SLC25A31: variants seen among roughly 807,000 people sequenced by gnomAD.
The protein encoded by SLC25A31 is solute carrier family 25 member 31.
SLC25A31 carries 40 observed loss-of-function variants against 36.2 expected under a neutral mutation model. The observed-to-expected ratio is 1.10, with a 90% CI of 0.86 to 1.44. SLC25A31 has a LOEUF of 1.44. Among genes scored for constraint, SLC25A31 ranks in the 40% most tolerant of loss-of-function variants. The pLI, the probability that SLC25A31 is intolerant of heterozygous loss-of-function variation, is 0.00. For missense variants in SLC25A31, 350 were observed against 397.1 expected, an observed-to-expected ratio of 0.88 and a Z score of 1.01; for synonymous variants, 143 against 149.7, an observed-to-expected ratio of 0.96 and a Z score of 0.32.
intron 2 of SLC25A31, among the ~76,000 whole-genome samples, chr4:127,754,829 T>G (rs1432155869): frequency 6.6e-6 from 1 of 152,170 alleles, no homozygotes; most frequent in Non-Finnish European, 1.5e-5. Flanking sequence ...AATCCTTCAA[T>G]TTATGTGGGA....
At chr4:127,753,668 A>T (rs1225619269) in intron 2 of SLC25A31, among the ~76,000 whole-genome samples, 1 of 152,170 alleles carries the variant, frequency 6.6e-6, no homozygotes, top group African/African-American at 2.4e-5. Flanking sequence ...ACAATGAGTA[A>T]GGAAATTAAG....
intron 2 of SLC25A31, among the ~76,000 whole-genome samples, chr4:127,756,066 C>A (rs1732026667): frequency 6.6e-6 from 1 of 151,978 alleles, no homozygotes. Context: ...CCACAGTATT[C>A]AGCAATCCCA....
At chr4:127,753,575 G>T (rs1578664071) in intron 2 of SLC25A31, among the ~76,000 whole-genome samples, 1 of 152,184 alleles carries the variant, frequency 6.6e-6, no homozygotes, top group East Asian at 1.9e-4. Context: ...TAATTATGTA[G>T]CCTGGAAGAA....
At chr4:127,745,551 C>G (rs1172590950) in intron 2 of SLC25A31, among the ~76,000 whole-genome samples, 1 of 152,128 alleles carries the variant, frequency 6.6e-6, no homozygotes, top group African/African-American at 2.4e-5. Flanking sequence ...GCCAACCAAG[C>G]TGTCTTAGGA....
At chr4:127,735,379 T>C (rs945809905) in intron 1 of SLC25A31, among the ~76,000 whole-genome samples, 2 of 152,232 alleles carry the variant, frequency 1.3e-5, no homozygotes, top group Non-Finnish European at 2.9e-5. Context: ...TTAACTTTGC[T>C]CTAATATCAT....
At position 127,730,755 on chromosome 4, in the gene SLC25A31, G is replaced by A; in HGVS notation, c.210G>A (p.Leu70=). 1 of 1,612,132 alleles carries A rather than the reference G, an allele frequency of 6.2e-7. No homozygotes were observed. Among genetic ancestry groups the A allele is most frequent in the African/African-American group, 1.3e-5 (1 of 75,042 alleles). The change falls in exon 1 of 6, where the codon CTG becomes CTA. Residue 70 remains leucine (L), a synonymous_variant. Coordinates refer to ENST00000281154, the MANE Select transcript of SLC25A31 (RefSeq NM_031291.4). ...EARYKGMVDC[L]VRIPREQGFF... ...GGTACAAAGGCATGGTGGACTGCCT[G>A]GTGCGGATTCCTCGCGAGCAGGGTG... is the stretch of plus-strand genomic sequence containing the variant.
Position 127,773,575 on chromosome 4 carries a change from T to A in SLC25A31, c.*1T>A, listed in dbSNP as rs755920239. On this transcript the variant is annotated 3_prime_UTR_variant, in exon 6 of 6. Coordinates refer to ENST00000281154, the MANE Select transcript of SLC25A31 (RefSeq NM_031291.4). ...TCATATTGATATTGGTGGTAGGTAA[T>A]CGGGAGAGTAAATTAAGAAATACAT... 1 of 1,569,306 alleles carries A rather than the reference T, an allele frequency of 6.4e-7. No individual in the cohort carries two copies. Among genetic ancestry groups the A allele is most frequent in the Admixed American group, 2.0e-5 (1 of 51,154 alleles).
intron 5 of SLC25A31, among the ~76,000 whole-genome samples, chr4:127,772,504 T>A (rs557482780): frequency 9.2e-5 from 14 of 152,270 alleles, no homozygotes; most frequent in African/African-American, 3.1e-4. Flanking sequence ...CTAACTGGAC[T>A]TTTTTTGTGC....
At chr4:127,754,989 C>T (rs191278139) in intron 2 of SLC25A31, among the ~76,000 whole-genome samples, 2 of 152,254 alleles carry the variant, frequency 1.3e-5, no homozygotes, top group Admixed American at 1.3e-4. Context: ...GAAGTAAACT[C>T]ACATATCTAT....
chr4:127,762,995 A>G (rs1044043287), intron 2 of SLC25A31, among the ~76,000 whole-genome samples: 2 of 152,030 alleles, frequency 1.3e-5, no homozygotes, highest in African/African-American at 4.8e-5. Context: ...TTGAAAGTAG[A>G]AAATGGTTGT....
intron 2 of SLC25A31, among the ~76,000 whole-genome samples, chr4:127,755,191 G>T (rs72918261): frequency 0.031 from 4,759 of 152,156 alleles, 261 homozygotes; most frequent in African/African-American, 0.11. Context: ...AAACATTGGG[G>T]AAAAACTCCA....
rs146444391 is a variant in SLC25A31 at position 127,751,066 on chromosome 4, A to C, written c.360+6267A>C. On this transcript the variant is annotated intron_variant, in intron 2 of 5. Coordinates refer to ENST00000281154, the MANE Select transcript of SLC25A31 (RefSeq NM_031291.4). ...ATGACTTTCTTCACAGAATTGGAAAAAACTACTTTAAAGTTCATATGGAAC... is the reference window on the plus strand; with the variant it reads ...ATGACTTTCTTCACAGAATTGGAAACAACTACTTTAAAGTTCATATGGAAC... Among the ~76,000 whole-genome samples, 384 of 152,292 alleles carry C rather than the reference A, an allele frequency of 2.5e-3. 5 individuals carry two copies. In the East Asian group the frequency reaches 0.029, roughly 12 times the overall value.
chr4:127,753,770 C>CA (rs1008836073), intron 2 of SLC25A31, among the ~76,000 whole-genome samples: 1 of 151,900 alleles, frequency 6.6e-6, no homozygotes, highest in Non-Finnish European at 1.5e-5. Context: ...TCACAGTCTT[C>CA]AAAAAAATGG....
intron 2 of SLC25A31, among the ~76,000 whole-genome samples, chr4:127,760,996 A>T (rs1221750463): frequency 1.0e-5 from 1 of 99,312 alleles, no homozygotes; most frequent in South Asian, 4.4e-4. Flanking sequence ...AACAACCAAA[A>T]CTCACTTATA....
intron 2 of SLC25A31, among the ~76,000 whole-genome samples, chr4:127,760,725 C>T (rs535987630): frequency 6.6e-6 from 1 of 152,172 alleles, no homozygotes; most frequent in Non-Finnish European, 1.5e-5. Context: ...CTTCCTGATT[C>T]TTCTCCGTGC....
rs778277206 is a variant in SLC25A31 at position 127,730,561 on chromosome 4, G to A, written c.16G>A (p.Ala6Thr). 6.2e-7 allele frequency: 1 copy of A among 1,613,840 alleles called. No homozygotes were observed. Among genetic ancestry groups the A allele is most frequent in the South Asian group, 1.1e-5 (1 of 91,082 alleles). Residue 6 changes from alanine (A) to threonine (T), a missense_variant, in exon 1 of 6, where the codon GCG (alanine) becomes ACG (threonine). Coordinates refer to ENST00000281154, the MANE Select transcript of SLC25A31 (RefSeq NM_031291.4). ...CTTCTCCATCATGCATCGTGAGCCTGCGAAAAAGAAGGCAGAAAAGCGGCT... is the reference window on the plus strand; with the variant it reads ...CTTCTCCATCATGCATCGTGAGCCTACGAAAAAGAAGGCAGAAAAGCGGCT... MHREP[A>T]KKKAEKRLFD...
chr4:127,769,602 A>G (rs1732312376), intron 5 of SLC25A31, among the ~76,000 whole-genome samples: 1 of 152,224 alleles, frequency 6.6e-6, no homozygotes. Context: ...TTCAGCAAAT[A>G]TTTGCATGCT....
At chr4:127,752,977 T>G (rs1404104983) in intron 2 of SLC25A31, among the ~76,000 whole-genome samples, 1 of 152,098 alleles carries the variant, frequency 6.6e-6, no homozygotes, top group Non-Finnish European at 1.5e-5. Context: ...CTTAACAAAT[T>G]TAAGGAGGTT....
chr4:127,735,014 T>C (rs1175087068), intron 1 of SLC25A31, among the ~76,000 whole-genome samples: 4 of 152,208 alleles, frequency 2.6e-5, no homozygotes, highest in Non-Finnish European at 4.4e-5. Context: ...GATTCTATTA[T>C]CAGGTTTTAA....
Sources: allele counts gnomAD v4.1 joint callset (sites outside exome capture counted in the v4.1 genomes callset), GRCh38; gene constraint gnomAD v4.1.1; transcripts MANE v1.5; gene names NCBI Gene and HGNC (gene_info 2026-07-23, HGNC 2026-07-21).